The following DOCK6 variants were observed in gnomAD, a reference collection of about 807,000 sequenced individuals.
The protein encoded by DOCK6 is dedicator of cytokinesis protein 6.
In DOCK6, 167 loss-of-function variants were observed where a neutral mutation model predicts 230.3. The ratio of observed to expected loss-of-function variants is 0.73; its 90% CI spans 0.64 to 0.82. The LOEUF is 0.82. DOCK6 is among the 40% of genes least tolerant of loss of function. The pLI is 0.00. For synonymous variants in DOCK6, 1,148 were observed against 1,185.0 expected (o/e 0.97, Z 0.64); for missense variants, 2,598 against 2,825.8 (o/e 0.92, Z 1.83).
At chr19:11,223,137 AC>A in intron 24 of DOCK6, 31 bp from the exon 25 acceptor site, 1 of 1,599,882 alleles carries the variant, frequency 6.3e-7, no homozygotes, top group African/African-American at 1.3e-5. Flanking sequence ...CAACCCACAC[AC>A]CCAAACCTCA....
At position 11,243,622 on chromosome 19, in the gene DOCK6, G is replaced by A; in HGVS notation, c.1193C>T (p.Ala398Val). The change falls in exon 11 of 48, where the codon GCC becomes GTC. Residue 398 changes from alanine (A) to valine (V), a missense_variant. Coordinates refer to ENST00000294618, the MANE Select transcript of DOCK6 (RefSeq NM_020812.4). The surrounding 1 kb of genome is among the most constrained non-coding windows in gnomAD (Gnocchi z 6.3). ...GRYRMPFAWT[A>V]VHLANIVSSA... ...GCTCACGATGTTGGCCAAGTGCACG[G>A]CCGTCCAGGCGAAGGGCATGCGGTA... 6.2e-7 allele frequency: 1 copy of A among 1,611,974 alleles called. No homozygotes were observed. Among genetic ancestry groups the A allele is most frequent in the Non-Finnish European group, 8.5e-7 (1 of 1,179,564 alleles).
chr19:11,244,265 T>C (rs1324713181), intron 9 of DOCK6, among the ~76,000 whole-genome samples: 4 of 152,066 alleles, frequency 2.6e-5, no homozygotes, highest in Non-Finnish European at 5.9e-5. Flanking sequence ...TGCCTCTGCC[T>C]CCCAAAGTGC....
chr19:11,213,235 G>T lies in DOCK6; in HGVS notation c.4432C>A (p.Arg1478Ser), dbSNP rs762177945. 1 of 1,613,228 alleles carries T rather than the reference G, an allele frequency of 6.2e-7. No homozygotes were observed. The highest frequency in any genetic ancestry group is 8.5e-7 in the Non-Finnish European group (1 of 1,179,872). ...RHCGSRISTIRTHASASLYLL... is the reference protein window; with the variant it reads ...RHCGSRISTISTHASASLYLL... ...TACAGCGAGGCGCTGGCGTGCGTGC[G>T]GATGGTGCTGATGCGGCTGCCACAG... The change falls in exon 35 of 48, where the codon CGC becomes AGC. Residue 1478 changes from arginine (R) to serine (S), a missense_variant. By Grantham distance (110) the Arg-to-Ser change is moderately radical. Transcript: ENST00000294618.
chr19:11,229,532 C>T (rs1341039308), intron 22 of DOCK6: 1 of 257,652 alleles, frequency 3.9e-6, no homozygotes, highest in Admixed American at 6.4e-5. Context: ...AATGCTTCCA[C>T]ATGGATGGAC....
rs372591497 is a variant in DOCK6 at position 11,254,323 on chromosome 19, C to T, written c.45-597G>A. Among the ~76,000 whole-genome samples, 54 of 152,300 alleles carry T rather than the reference C, an allele frequency of 3.5e-4. 1 individual carries two copies. In the South Asian group the frequency reaches 0.01, roughly 29 times the overall value. Reference sequence around the variant, plus strand: ...GCCTGCGGGGCCCAGAGCTGGGAGGCCTTCTAAGTAACCCCAAGCAACCAA... The same window carrying T: ...GCCTGCGGGGCCCAGAGCTGGGAGGTCTTCTAAGTAACCCCAAGCAACCAA... On this transcript the variant is annotated intron_variant, in intron 1 of 47. Coordinates refer to ENST00000294618, the MANE Select transcript of DOCK6 (RefSeq NM_020812.4).
chr19:11,232,199 C>A (rs1426529534), intron 22 of DOCK6: 5 of 1,287,504 alleles, frequency 3.9e-6, no homozygotes, highest in Middle Eastern at 4.4e-4. Flanking sequence ...CTGGGGTCGG[C>A]CCCACAATAA....
chr19:11,259,803 G>A (rs1461182629), intron 1 of DOCK6, among the ~76,000 whole-genome samples: 7 of 150,310 alleles, frequency 4.7e-5, no homozygotes, highest in Non-Finnish European at 7.4e-5. Flanking sequence ...GGCTGGTCTC[G>A]AACTCCTGAC....
rs780020898 is a variant in DOCK6, at chr19:11,252,800, G to A, written c.291C>T (p.Pro97=). 8.7e-6 allele frequency: 14 copies of A among 1,611,518 alleles called. No individual in the cohort carries two copies. The highest frequency in any genetic ancestry group is 6.7e-5 in the African/African-American group (5 of 74,862). The stretch of plus-strand genomic sequence containing the variant: ...GAACCCACTCATCCTTGGGGATCCC[G>A]GGCTCCGTGGTCCGGCATTCCCGGG... The part of the protein sequence containing the change: ...LQPRECRTTE[P]GIPKDEKLDA... Residue 97 remains proline, a synonymous_variant, in exon 3 of 48, where the codon CCC becomes CCT. Coordinates refer to ENST00000294618, the MANE Select transcript of DOCK6 (RefSeq NM_020812.4).
In DOCK6 at chr19:11,202,800, G is replaced by T; in HGVS notation, c.5236-91C>A. ...ATAGGTGTCTCGAATATCAGGATGGGAGTGTGAGGACCCCGAGAACATCAG... is the reference window on the plus strand; with the variant it reads ...ATAGGTGTCTCGAATATCAGGATGGTAGTGTGAGGACCCCGAGAACATCAG... On this transcript the variant is annotated intron_variant, in intron 41 of 47. Transcript: ENST00000294618. This position sits in a 1 kb window ranked among gnomAD's most constrained non-coding sequence, Gnocchi z 5.3. The T allele has an allele frequency of 6.3e-7, 1 of 1,593,070 alleles. No homozygotes were observed. The highest frequency in any genetic ancestry group is 1.1e-5 in the South Asian group (1 of 90,206).
At chr19:11,255,375 G>T (rs151230071) in intron 1 of DOCK6, among the ~76,000 whole-genome samples, 2,672 of 151,090 alleles carry the variant, frequency 0.018, 78 homozygotes, top group African/African-American at 0.061. Context: ...CACGATATCG[G>T]CTCACTGCAA....
chr19:11,238,161 C>G (rs781548246), intron 15 of DOCK6, 26 bp downstream of exon 15: 8 of 1,613,854 alleles, frequency 5.0e-6, no homozygotes, highest in Non-Finnish European at 6.8e-6. Flanking sequence ...TGCCCTACCC[C>G]CCTTCCCTGG....
In DOCK6 at chr19:11,235,661, G is replaced by C. The variant is rs1267210334; in HGVS notation, c.2491C>G (p.Gln831Glu). Residue 831 changes from glutamine to glutamate, a missense_variant, in exon 21 of 48, where the codon CAG becomes GAG. Gln to Glu is a conservative substitution (Grantham distance 29, BLOSUM62 2). Coordinates refer to ENST00000294618, the MANE Select transcript of DOCK6 (RefSeq NM_020812.4). Reference sequence around the variant, plus strand: ...GCGTAGTGGACGTAGGCAGCCAGCTGTGGGCAGTGACCGCGGGCATCCTGG... The same window carrying C: ...GCGTAGTGGACGTAGGCAGCCAGCTCTGGGCAGTGACCGCGGGCATCCTGG... ...AAQDARGHCPQLAAYVHYAFR... is the reference protein window; with the variant it reads ...AAQDARGHCPELAAYVHYAFR... 5.0e-6 allele frequency: 8 copies of C among 1,603,562 alleles called. No homozygotes were observed. The highest frequency in any genetic ancestry group is 3.4e-5 in the Admixed American group (2 of 58,524).
chr19:11,238,973 C>T (rs2079896166), intron 14 of DOCK6: 1 of 154,978 alleles, frequency 6.5e-6, no homozygotes, highest in South Asian at 2.0e-4. Context: ...GTGCCAGGCT[C>T]TGTTCTAAGC....
chr19:11,245,212 G>A lies in DOCK6; in HGVS notation c.1023+351C>T, dbSNP rs190896624. ...GAAAAGAAATTTGACCTCCCTCCCA[G>A]AAACAGAAAATCTCAAATGAGGGTG... is the stretch of plus-strand genomic sequence containing the variant. On this transcript the variant is annotated intron_variant, in intron 9 of 47. Coordinates refer to ENST00000294618, the MANE Select transcript of DOCK6 (RefSeq NM_020812.4). Among the ~76,000 whole-genome samples, 31 of 152,300 alleles carry A rather than the reference G, an allele frequency of 2.0e-4. 1 individual carries two copies. The East Asian group carries it at 3.7e-3, about 18-fold the overall frequency.
At chr19:11,237,151 G>T in intron 18 of DOCK6, 1 of 590,936 alleles carries the variant, frequency 1.7e-6, no homozygotes, top group South Asian at 2.0e-5. Flanking sequence ...AGGATTTGAG[G>T]CCTAGGGTCA....
intron 14 of DOCK6, chr19:11,241,634 G>T: frequency 6.4e-7 from 1 of 1,568,288 alleles, no homozygotes; most frequent in African/African-American, 1.4e-5. Flanking sequence ...CCCCTCACCT[G>T]GGCTGAGCCA....
intron 21 of DOCK6, 129 bp from the exon 22 acceptor site, chr19:11,233,495 T>C (rs962551351): frequency 2.3e-5 from 28 of 1,197,550 alleles, no homozygotes; most frequent in African/African-American, 4.6e-5. Context: ...ATCTATAAAA[T>C]AGGCATAATG....
chr19:11,201,788 C>T lies in DOCK6; in HGVS notation c.5688+101G>A. On this transcript the variant is annotated intron_variant, in intron 44 of 47. Transcript: ENST00000294618. This position sits in a 1 kb window ranked among gnomAD's most constrained non-coding sequence, Gnocchi z 4.3. Reference sequence around the variant, plus strand: ...CCTCTCTGGGTCTGAGGTCCGTGAACCACCTTGGGTCTGGGTCCCTGTGTC... The same window carrying T: ...CCTCTCTGGGTCTGAGGTCCGTGAATCACCTTGGGTCTGGGTCCCTGTGTC... 1 of 1,164,518 alleles carries T rather than the reference C, an allele frequency of 8.6e-7. No individual in the cohort carries two copies. Among genetic ancestry groups the T allele is most frequent in the African/African-American group, 1.5e-5 (1 of 65,876 alleles). 72.1% of individuals were successfully genotyped at this position (1,164,518 alleles called of 1,614,324 possible). A position where few individuals can be genotyped will look rare whatever the true frequency, so the allele number is the denominator to read the frequency against.
At chr19:11,218,686 G>T (rs1433214278) in intron 28 of DOCK6, among the ~76,000 whole-genome samples, 1 of 151,748 alleles carries the variant, frequency 6.6e-6, no homozygotes, top group Non-Finnish European at 1.5e-5. Context: ...GGACTCAAGT[G>T]ATCCGCCCAC....
Sources: gnomAD v4.1 joint callset for allele counts (sites outside exome capture counted in the v4.1 genomes callset) on GRCh38, gnomAD v4.1.1 for gene constraint, Gnocchi (gnomAD v3.1) non-coding constraint, MANE v1.5 for transcripts, NCBI Gene and HGNC (gene_info 2026-07-23, HGNC 2026-07-21) for gene names.